PCDHGA4: variants seen among roughly 807,000 people sequenced by gnomAD.
The protein encoded by PCDHGA4 is protocadherin gamma subfamily A, 4.
PCDHGA4 carries 38 observed loss-of-function variants against 54.6 expected under a neutral mutation model. That is an observed-to-expected ratio of 0.70 (90% confidence interval 0.54 to 0.91). The LOEUF is 0.91. Ranked by LOEUF, PCDHGA4 falls within the 40% of genes least tolerant of loss-of-function variation. The pLI, the probability that PCDHGA4 is intolerant of heterozygous loss-of-function variation, is 0.00. For missense variants in PCDHGA4, 1,298 were observed against 1,220.9 expected (o/e 1.06, Z -0.94); for synonymous variants, 511 against 512.9 (o/e 1.00, Z 0.05).
chr5:141,389,405 G>A (rs758428464), intron 1 of PCDHGA4: 16 of 1,613,614 alleles, frequency 9.9e-6, no homozygotes. Flanking sequence ...CCATAAGCGC[G>A]GAGAGCGGGG....
intron 1 of PCDHGA4, chr5:141,375,781 C>T (rs1381620623): frequency 6.2e-7 from 1 of 1,614,252 alleles, no homozygotes; most frequent in South Asian, 1.1e-5. Flanking sequence ...TGTACCCCGC[C>T]CTCCCCACAG....
intron 1 of PCDHGA4, chr5:141,361,654 G>C (rs779307225): frequency 6.2e-7 from 1 of 1,613,782 alleles, no homozygotes; most frequent in Non-Finnish European, 8.5e-7. Flanking sequence ...CTACGTGTCC[G>C]TGAGCGCGCA....
intron 1 of PCDHGA4, among the ~76,000 whole-genome samples, chr5:141,362,918 A>G (rs1159193332): frequency 6.6e-6 from 1 of 152,244 alleles, no homozygotes; most frequent in African/African-American, 2.4e-5. Context: ...AATACTTCAG[A>G]GTAAAGAGAG....
chr5:141,384,708 G>T (rs1222018997), intron 1 of PCDHGA4: 3 of 1,614,116 alleles, frequency 1.9e-6, no homozygotes, highest in Non-Finnish European at 2.5e-6. Context: ...AGAACGCCTG[G>T]CTGTCATACC....
intron 1 of PCDHGA4, among the ~76,000 whole-genome samples, chr5:141,466,358 A>G (rs1210013683): frequency 6.6e-6 from 1 of 152,066 alleles, no homozygotes; most frequent in Admixed American, 6.5e-5. Flanking sequence ...GCTAATCTAG[A>G]TGTAATGGTT....
chr5:141,357,490 C>A lies in PCDHGA4; in HGVS notation c.2383C>A (p.Arg795=). 4 of 1,614,218 alleles carry A rather than the reference C, an allele frequency of 2.5e-6. No homozygotes were observed. Among genetic ancestry groups the A allele is most frequent in the South Asian group, 1.1e-5 (1 of 91,086 alleles). Residue 795 remains arginine (R), a synonymous_variant, in exon 1 of 4, where the codon CGG becomes AGG. Transcript: ENST00000571252. ...CGAGGTCTCCCTCACCGCGGACTCG[C>A]GGAAGAGTCACCTGATCTTCTCCCA... The part of the protein sequence containing the change: ...SHEVSLTADS[R]KSHLIFSQPS...
intron 1 of PCDHGA4, chr5:141,385,119 T>C: frequency 1.2e-6 from 2 of 1,614,212 alleles, no homozygotes; most frequent in South Asian, 2.2e-5. Flanking sequence ...CCTCGCACTT[T>C]GTGGGCATGG....
At chr5:141,375,054 G>A (rs749207935) in intron 1 of PCDHGA4, 3 of 1,614,004 alleles carry the variant, frequency 1.9e-6, no homozygotes, top group Non-Finnish European at 2.5e-6. Flanking sequence ...GCCCGGGATG[G>A]GCCAGGTCTT....
intron 1 of PCDHGA4, chr5:141,391,631 G>C (rs913626630): frequency 6.6e-6 from 1 of 152,170 alleles, no homozygotes; most frequent in African/African-American, 2.4e-5. Flanking sequence ...GAAAGTTTTA[G>C]TCAGTGAAAA....
Position 141,490,226 on chromosome 5 carries a change from C to T in PCDHGA4, c.2515-4581C>T. On this transcript the variant is annotated intron_variant, in intron 1 of 3. Coordinates refer to ENST00000571252, the MANE Select transcript of PCDHGA4 (RefSeq NM_018917.4). This position sits in a 1 kb window ranked among gnomAD's most constrained non-coding sequence, Gnocchi z 5.4. ...AGAGCCCGTGACCAGGGACAGCCTG[C>T]CATGGAGGGCCACTGTGTGATTCAA... The T allele has an allele frequency of 6.2e-7, 1 of 1,614,168 alleles. No homozygotes were observed. Among genetic ancestry groups the T allele is most frequent in the Non-Finnish European group, 8.5e-7 (1 of 1,180,020 alleles).
Position 141,390,256 on chromosome 5 carries a change from A to G in PCDHGA4, c.2514+32635A>G, listed in dbSNP as rs2150415347. On this transcript the variant is annotated intron_variant, in intron 1 of 3. Coordinates refer to ENST00000571252, the MANE Select transcript of PCDHGA4 (RefSeq NM_018917.4). ...TCTGGGGCCTTATTTCCACTTTGTAATTCCAGTGAATTGACTTCCCATCAG... is the reference window on the plus strand; with the variant it reads ...TCTGGGGCCTTATTTCCACTTTGTAGTTCCAGTGAATTGACTTCCCATCAG... 6 of 1,614,022 alleles carry G rather than the reference A, an allele frequency of 3.7e-6. No homozygotes were observed. The East Asian group carries it at 1.3e-4, about 36-fold the overall frequency.
In PCDHGA4 at chr5:141,487,765, GC is replaced by G. The variant is rs2099665397; in HGVS notation, c.2515-7041del. The G allele has an allele frequency of 6.5e-7, 1 of 1,541,774 alleles. No individual in the cohort carries two copies. Among genetic ancestry groups the G allele is most frequent in the South Asian group, 1.2e-5 (1 of 83,146 alleles). On this transcript the variant is annotated intron_variant, in intron 1 of 3. Transcript: ENST00000571252. This position sits in a 1 kb window ranked among gnomAD's most constrained non-coding sequence, Gnocchi z 5.0. ...GAGGTAACTATGTGGTAGACGCTGT[GC>G]TTTGTAACTGTTTCGTGAATTAACC...
At chr5:141,446,891 C>A (rs1457416718) in intron 1 of PCDHGA4, among the ~76,000 whole-genome samples, 1 of 152,152 alleles carries the variant, frequency 6.6e-6, no homozygotes, top group Non-Finnish European at 1.5e-5. Context: ...GGGTTCATGG[C>A]TGAGCTACTT....
chr5:141,394,136 C>A, intron 1 of PCDHGA4: 3 of 1,613,956 alleles, frequency 1.9e-6, no homozygotes, highest in Non-Finnish European at 2.5e-6. Flanking sequence ...TCGCTCTGCA[C>A]GTGGCAGACA....
intron 1 of PCDHGA4, among the ~76,000 whole-genome samples, chr5:141,406,450 G>T (rs2094811564): frequency 6.6e-6 from 1 of 152,194 alleles, no homozygotes; most frequent in South Asian, 2.1e-4. Flanking sequence ...CCATTTCTAT[G>T]ACAGGAAAAC....
intron 1 of PCDHGA4, among the ~76,000 whole-genome samples, chr5:141,424,944 A>G (rs958272371): frequency 2.6e-5 from 4 of 152,108 alleles, no homozygotes; most frequent in African/African-American, 9.7e-5. Context: ...CTCTCACATC[A>G]CTTCTAGGTA....
chr5:141,376,602 A>C, intron 1 of PCDHGA4: 1 of 1,521,112 alleles, frequency 6.6e-7, no homozygotes, highest in Non-Finnish European at 8.9e-7. Context: ...CTGTTATAGA[A>C]GCGAACCTCT....
intron 1 of PCDHGA4, chr5:141,421,352 AGG>A: frequency 6.2e-7 from 1 of 1,613,946 alleles, no homozygotes; most frequent in Non-Finnish European, 8.5e-7. Context: ...GAGACCGAAA[AGG>A]GCTCCTTCGT....
intron 1 of PCDHGA4, chr5:141,375,325 G>T: frequency 6.2e-7 from 1 of 1,613,768 alleles, no homozygotes; most frequent in Non-Finnish European, 8.5e-7. Context: ...ACCGGGAAGA[G>T]GTATTCTTGT....
Sources: gnomAD v4.1 joint callset for allele counts (sites outside exome capture counted in the v4.1 genomes callset) on GRCh38, gnomAD v4.1.1 for gene constraint, Gnocchi (gnomAD v3.1) non-coding constraint, MANE v1.5 for transcripts, NCBI Gene and HGNC (gene_info 2026-07-23, HGNC 2026-07-21) for gene names.